Variants in P2RY12 observed in about 807,000 individuals in gnomAD.
P2RY12 encodes the protein P2Y purinoceptor 12.
In P2RY12, 3 loss-of-function variants were observed where a neutral mutation model predicts 4.5. The observed-to-expected ratio is 0.67, with a 90% CI of 0.31 to 1.74. The LOEUF is 1.74. P2RY12 is among the 40% of genes most tolerant of loss of function. The pLI is 0.09. For synonymous variants in P2RY12, 148 were observed against 154.1 expected (o/e 0.96, Z 0.29); for missense variants, 356 against 407.8 (o/e 0.87, Z 1.09).
intron 1 of P2RY12, chr3:151,378,306 C>G: frequency 1.1e-6 from 1 of 918,210 alleles, no homozygotes; most frequent in Non-Finnish European, 1.5e-6. Flanking sequence ...TGGGAATATT[C>G]TATTAGGCAA....
intron 1 of P2RY12, chr3:151,365,092 G>T (rs758782381): frequency 8.1e-6 from 13 of 1,613,852 alleles, no homozygotes; most frequent in Admixed American, 1.7e-5. Context: ...CCCTCAGCCC[G>T]CAGCATCAAC....
chr3:151,366,050 T>C, intron 1 of P2RY12: 1 of 1,348,096 alleles, frequency 7.4e-7, no homozygotes, highest in South Asian at 2.1e-5. Context: ...AGTTAGTGGG[T>C]AATCTTTTTG....
At chr3:151,366,995 A>G (rs1194733406) in intron 1 of P2RY12, among the ~76,000 whole-genome samples, 1 of 152,222 alleles carries the variant, frequency 6.6e-6, no homozygotes, top group Non-Finnish European at 1.5e-5. Context: ...TCCTTGGCAT[A>G]TGGTGCGAAT....
intron 1 of P2RY12, chr3:151,369,681 A>G (rs1755942416): frequency 1.7e-6 from 1 of 577,836 alleles, no homozygotes. Context: ...TCCTGGAAAA[A>G]TTAGTGGTTT....
Position 151,338,012 on chromosome 3 carries a change from A to C in P2RY12, c.834T>G (p.Tyr278Ter), listed in dbSNP as rs893264382. 1 of 1,614,140 alleles carries C rather than the reference A, an allele frequency of 6.2e-7. No individual in the cohort carries two copies. The highest frequency in any genetic ancestry group is 8.5e-7 in the Non-Finnish European group (1 of 1,180,008). The change falls in exon 3 of 3, where the codon TAT becomes TAG. Residue 278 changes from tyrosine (Y) to a stop codon, truncating the protein, a stop_gained. Coordinates refer to ENST00000302632, the MANE Select transcript of P2RY12 (RefSeq NM_022788.5). LOFTEE classifies it low-confidence loss of function (END_TRUNC). ...TTAACCACAGAGTGCTCTCTTTCAC[A>C]TAGAACAGAGTATTTTCAGCAGTGC... ...FDCTAENTLF[Y>*]VKESTLWLTS...
chr3:151,349,019 C>G (rs943931034), intron 1 of P2RY12, among the ~76,000 whole-genome samples: 1 of 152,134 alleles, frequency 6.6e-6, no homozygotes, highest in Non-Finnish European at 1.5e-5. Flanking sequence ...TAAGTGCTTG[C>G]CATGGGCAAA....
At chr3:151,358,589 A>G (rs1433889556) in intron 1 of P2RY12, among the ~76,000 whole-genome samples, 1 of 148,900 alleles carries the variant, frequency 6.7e-6, no homozygotes, top group Non-Finnish European at 1.5e-5. Flanking sequence ...TTTGTTTTTA[A>G]TATTGTTATT....
At position 151,338,853 on chromosome 3, in the gene P2RY12, T is replaced by C. The variant is rs1275238670; in HGVS notation, c.-8A>G. On this transcript the variant is annotated 5_prime_UTR_variant, in exon 3 of 3. Coordinates refer to ENST00000302632, the MANE Select transcript of P2RY12 (RefSeq NM_022788.5). ...GTTGTCGACGGCTTGCATTTCTTGT[T>C]GGTTACCTAGAGAACAAAAGAGAGG... 1.2e-6 allele frequency: 2 copies of C among 1,612,566 alleles called. No individual in the cohort carries two copies. The highest frequency in any genetic ancestry group is 2.7e-5 in the African/African-American group (2 of 75,010).
chr3:151,338,811 C>T lies in P2RY12; in HGVS notation c.35G>A (p.Gly12Asp). 1 of 1,613,654 alleles carries T rather than the reference C, an allele frequency of 6.2e-7. No individual in the cohort carries two copies. Among genetic ancestry groups the T allele is most frequent in the Non-Finnish European group, 8.5e-7 (1 of 1,179,804 alleles). The change falls in exon 3 of 3, where the codon GGT (glycine) becomes GAT (aspartate). Residue 12 changes from glycine to aspartate, a missense_variant. Coordinates refer to ENST00000302632, the MANE Select transcript of P2RY12 (RefSeq NM_022788.5). ...GTCTCTGGTGCACAGACTGGTGTTA[C>T]CAGGCGCAGAGGTGAGGTTGTCGAC... is the stretch of plus-strand genomic sequence containing the variant. ...QAVDNLTSAP[G>D]NTSLCTRDYK...
Position 151,378,703 on chromosome 3 carries a change from C to T in P2RY12, c.-180+5989G>A, listed in dbSNP as rs182799713. 2.7e-4 allele frequency among the ~76,000 whole-genome samples: 41 copies of T among 151,794 alleles called. No homozygotes were observed. The East Asian group carries it at 6.8e-3, about 25-fold the overall frequency. The stretch of plus-strand genomic sequence containing the variant: ...GTTTCAAGTAATTATATTTGAAAAC[C>T]GTGTTACTGAGAAAGAAAGAAACCT... On this transcript the variant is annotated intron_variant, in intron 1 of 2. Transcript: ENST00000302632.
At chr3:151,375,787 C>A (rs1464419942) in intron 1 of P2RY12, among the ~76,000 whole-genome samples, 1 of 151,944 alleles carries the variant, frequency 6.6e-6, no homozygotes, top group Non-Finnish European at 1.5e-5. Flanking sequence ...TCTTTATTGT[C>A]TTTTCTTTTT....
chr3:151,378,304 T>C (rs1711584504), intron 1 of P2RY12: 2 of 934,668 alleles, frequency 2.1e-6, no homozygotes, highest in East Asian at 5.9e-5. Flanking sequence ...ACTGGGAATA[T>C]TCTATTAGGC....
At chr3:151,363,229 A>T (rs969553378) in intron 1 of P2RY12, among the ~76,000 whole-genome samples, 12 of 152,180 alleles carry the variant, frequency 7.9e-5, no homozygotes, top group Non-Finnish European at 2.9e-5. Flanking sequence ...AAAGAGAAAT[A>T]CAACTTTCTT....
chr3:151,377,872 G>A, intron 1 of P2RY12: 1 of 758,754 alleles, frequency 1.3e-6, no homozygotes, highest in Non-Finnish European at 1.9e-6. Context: ...AAAAAGGAAA[G>A]ATAATACAGA....
At chr3:151,377,112 A>G in intron 1 of P2RY12, 2 of 1,614,120 alleles carry the variant, frequency 1.2e-6, no homozygotes, top group Non-Finnish European at 1.7e-6. Context: ...AGCCTCTTCA[A>G]CCCAAACAGT....
rs145967533 is a variant in P2RY12, at chr3:151,354,254, A to T, written c.-179-13494T>A. ...TTGTCTTTGTAAACATAAAATATTA[A>T]AGTATTTAAAAGCAGGATTGAAGCT... On this transcript the variant is annotated intron_variant, in intron 1 of 2. Coordinates refer to ENST00000302632, the MANE Select transcript of P2RY12 (RefSeq NM_022788.5). 2.7e-4 allele frequency among the ~76,000 whole-genome samples: 41 copies of T among 152,138 alleles called. No homozygotes were observed. In the East Asian group the frequency reaches 6.9e-3, roughly 26 times the overall value.
chr3:151,375,331 G>T (rs7633788), intron 1 of P2RY12, among the ~76,000 whole-genome samples: 16,956 of 152,174 alleles, frequency 0.11, 1,284 homozygotes, highest in Middle Eastern at 0.18. Flanking sequence ...ATTGGGCTCT[G>T]TTACTGTTGA....
intron 1 of P2RY12, among the ~76,000 whole-genome samples, chr3:151,348,364 GAAAAA>G (rs55814320): frequency 8.3e-6 from 1 of 120,054 alleles, no homozygotes; most frequent in Admixed American, 8.7e-5. Flanking sequence ...AAAAAAAAAA[GAAAAA>G]AGAAATATAT....
chr3:151,370,646 C>T (rs1346871444), intron 1 of P2RY12, among the ~76,000 whole-genome samples: 4 of 152,084 alleles, frequency 2.6e-5, no homozygotes, highest in African/African-American at 9.7e-5. Flanking sequence ...CTACTGTGAT[C>T]ATATTTGAAG....
Sources: allele counts gnomAD v4.1 joint callset (sites outside exome capture counted in the v4.1 genomes callset), GRCh38; gene constraint gnomAD v4.1.1; transcripts MANE v1.5; gene names NCBI Gene and HGNC (gene_info 2026-07-23, HGNC 2026-07-21).